GNG5: variants seen among roughly 807,000 people sequenced by gnomAD.
The protein encoded by GNG5 is guanine nucleotide-binding protein G(I)/G(S)/G(O) subunit gamma-5.
A neutral mutation model predicts 6.2 loss-of-function variants in GNG5; 2 were observed. The observed-to-expected ratio is 0.32, with a 90% CI of 0.13 to 1.01. The LOEUF is 1.01. Ranked by LOEUF, GNG5 falls within the 50% of genes least tolerant of loss-of-function variation. GNG5 has a pLI of 0.48. For synonymous variants in GNG5, 24 were observed against 33.0 expected (o/e 0.73, Z 0.93); for missense variants, 57 against 80.2 (o/e 0.71, Z 1.10).
At chr1:84,501,775 A>T (rs1682061654) in intron 3 of GNG5, 51 bp downstream of exon 3, 8 of 1,075,036 alleles carry the variant, frequency 7.4e-6, no homozygotes, top group Non-Finnish European at 1.1e-5. Flanking sequence ...GAAAGAGAAG[A>T]CTAGTTATTC....
chr1:84,502,162 G>C (rs1682073066), intron 2 of GNG5, among the ~76,000 whole-genome samples, 192 bp from the exon 3 acceptor site: 1 of 136,600 alleles, frequency 7.3e-6, no homozygotes, highest in Non-Finnish European at 1.5e-5. Context: ...TTTTGAGACG[G>C]AGTCTCACTC....
At chr1:84,503,493 A>G (rs1162039679) in intron 2 of GNG5, among the ~76,000 whole-genome samples, 1 of 152,174 alleles carries the variant, frequency 6.6e-6, no homozygotes, top group East Asian at 1.9e-4. Flanking sequence ...TATGTAAAAG[A>G]AGTATTTTTA....
chr1:84,506,376 CTT>C (rs1682237805), intron 1 of GNG5, 58 bp downstream of exon 1: 1 of 297,580 alleles, frequency 3.4e-6, no homozygotes, highest in South Asian at 5.9e-5. Flanking sequence ...CGACCCGACT[CTT>C]AAGTTTTCTT....
chr1:84,502,692 T>G (rs1360980647), intron 2 of GNG5, among the ~76,000 whole-genome samples: 2 of 152,194 alleles, frequency 1.3e-5, no homozygotes, highest in Non-Finnish European at 2.9e-5. Flanking sequence ...TACTTTGTCT[T>G]GAAAGCAGTA....
chr1:84,502,584 TTAA>T (rs1460728295), intron 2 of GNG5, among the ~76,000 whole-genome samples: 3 of 152,326 alleles, frequency 2.0e-5, no homozygotes, highest in South Asian at 2.1e-4. Flanking sequence ...ATCTTGCTTA[TTAA>T]TAATAGGCTG....
chr1:84,502,919 A>G (rs148551173), intron 2 of GNG5, among the ~76,000 whole-genome samples: 1 of 152,384 alleles, frequency 6.6e-6, no homozygotes, highest in East Asian at 1.9e-4. Context: ...GATGTAGGAT[A>G]TAAACAAAAT....
In GNG5 at chr1:84,506,138, C is replaced by CCGTGGGT; in HGVS notation, c.-54_-48dup. The stretch of plus-strand genomic sequence containing the variant: ...GATTCGTGGGTCGGTGGGTCGTGGG[C>CCGTGGGT]CGTGGGTCGGCGGGGCCAGACAACT... On this transcript the variant is annotated 5_prime_UTR_variant, in exon 2 of 4. Transcript: ENST00000370645. 6.6e-7 allele frequency: 1 copy of CCGTGGGT among 1,516,214 alleles called. No individual in the cohort carries two copies. The highest frequency in any genetic ancestry group is 1.2e-5 in the South Asian group (1 of 83,550). 93.9% of individuals were successfully genotyped at this position (1,516,214 alleles called of 1,614,324 possible). A position where few individuals can be genotyped will look rare whatever the true frequency, so the allele number is the denominator to read the frequency against.
At chr1:84,500,924 A>G (rs1047589765) in intron 3 of GNG5, among the ~76,000 whole-genome samples, 15 of 152,198 alleles carry the variant, frequency 9.9e-5, no homozygotes, top group Non-Finnish European at 1.8e-4. Flanking sequence ...AAAAAGTACT[A>G]TTAGTTTAAG....
intron 2 of GNG5, among the ~76,000 whole-genome samples, 160 bp from the exon 3 acceptor site, chr1:84,502,130 C>CTT (rs1558552167): frequency 7.0e-6 from 1 of 142,802 alleles, no homozygotes; most frequent in African/African-American, 2.6e-5. Flanking sequence ...AAATAGTGAG[C>CTT]TCTTTTTTTT....
chr1:84,504,847 A>T (rs978968535), intron 2 of GNG5, among the ~76,000 whole-genome samples: 14 of 152,012 alleles, frequency 9.2e-5, no homozygotes, highest in Admixed American at 9.2e-4. Flanking sequence ...AGTTAACAAA[A>T]CTAAATGGGA....
At chr1:84,503,750 A>AT (rs1400136403) in intron 2 of GNG5, 2 of 152,262 alleles carry the variant, frequency 1.3e-5, no homozygotes, top group African/African-American at 4.8e-5. Flanking sequence ...CTAAGAATAC[A>AT]TAAGAACAGC....
At chr1:84,503,330 G>A (rs995328422) in intron 2 of GNG5, among the ~76,000 whole-genome samples, 4 of 152,178 alleles carry the variant, frequency 2.6e-5, no homozygotes, top group Non-Finnish European at 5.9e-5. Context: ...CATCACAAAT[G>A]CTCTCTATAC....
At position 84,506,038 on chromosome 1, in the gene GNG5, C is replaced by T; in HGVS notation, c.54G>A (p.Arg18=). 3 of 1,574,278 alleles carry T rather than the reference C, an allele frequency of 1.9e-6. No homozygotes were observed. Among genetic ancestry groups the T allele is most frequent in the Admixed American group, 1.8e-5 (1 of 55,070 alleles). ...TTACGCGGTTGAGTCCGGCCTCCAGCCGGAGCTGTTGAACCACTTTCTTCA... is the reference window on the plus strand; with the variant it reads ...TTACGCGGTTGAGTCCGGCCTCCAGTCGGAGCTGTTGAACCACTTTCTTCA... ...AAMKKVVQQL[R]LEAGLNRVKV... Residue 18 remains arginine, a synonymous_variant, in exon 2 of 4, where the codon CGG becomes CGA. Coordinates refer to ENST00000370645, the MANE Select transcript of GNG5 (RefSeq NM_005274.3).
chr1:84,504,933 A>T (rs1311913802), intron 2 of GNG5, among the ~76,000 whole-genome samples: 2 of 152,242 alleles, frequency 1.3e-5, no homozygotes, highest in African/African-American at 4.8e-5. Flanking sequence ...ACAACTGAGT[A>T]AGCTAGGTCT....
chr1:84,500,051 C>T (rs1036436271), intron 3 of GNG5, among the ~76,000 whole-genome samples: 1 of 152,170 alleles, frequency 6.6e-6, no homozygotes, highest in African/African-American at 2.4e-5. Flanking sequence ...GAGACTGCGC[C>T]ACTGCACTCC....
chr1:84,502,667 A>G (rs1227408870), intron 2 of GNG5, among the ~76,000 whole-genome samples: 1 of 152,200 alleles, frequency 6.6e-6, no homozygotes, highest in Non-Finnish European at 1.5e-5. Context: ...AAGCAATAAC[A>G]TTCTAGCAAA....
chr1:84,506,294 G>C lies in GNG5; in HGVS notation c.-203C>G. On this transcript the variant is annotated 5_prime_UTR_variant, in exon 2 of 4. Coordinates refer to ENST00000370645, the MANE Select transcript of GNG5 (RefSeq NM_005274.3). ...GTTCCAGCTCCACACCCGGCCCCGA[G>C]CGCGAGCCTGGAGGAGGGGGAGGAG... 2.4e-6 allele frequency: 1 copy of C among 420,286 alleles called. No individual in the cohort carries two copies. Among genetic ancestry groups the C allele is most frequent in the Non-Finnish European group, 4.2e-6 (1 of 236,572 alleles). 26.0% of individuals were successfully genotyped at this position (420,286 alleles called of 1,614,324 possible). A position where few individuals can be genotyped will look rare whatever the true frequency, so the allele number is the denominator to read the frequency against.
intron 3 of GNG5, among the ~76,000 whole-genome samples, chr1:84,499,566 T>C (rs1475406286): frequency 6.6e-6 from 1 of 152,202 alleles, no homozygotes; most frequent in Non-Finnish European, 1.5e-5. Context: ...TGAAGTATAA[T>C]TCCATCATAG....
At chr1:84,503,422 A>C (rs1682098095) in intron 2 of GNG5, among the ~76,000 whole-genome samples, 1 of 152,134 alleles carries the variant, frequency 6.6e-6, no homozygotes, top group Non-Finnish European at 1.5e-5. Flanking sequence ...TATCGAATCT[A>C]TTTGTGTGTT....
Sources: allele counts gnomAD v4.1 joint callset (sites outside exome capture counted in the v4.1 genomes callset), GRCh38; gene constraint gnomAD v4.1.1; transcripts MANE v1.5; gene names NCBI Gene and HGNC (gene_info 2026-07-23, HGNC 2026-07-21).